NSG2: variants seen among roughly 807,000 people sequenced by gnomAD.
NSG2 encodes neuronal vesicle trafficking associated 2, also known as neuronal vesicle trafficking-associated protein 2.
A neutral mutation model predicts 16.9 loss-of-function variants in NSG2; 4 were observed. That is an observed-to-expected ratio of 0.24 (90% CI 0.12 to 0.54). NSG2 has a LOEUF of 0.54. NSG2 is among the 20% of genes least tolerant of loss of function. NSG2 has a pLI of 0.95. For missense variants in NSG2, 179 were observed against 221.1 expected (o/e 0.81, Z 1.21); for synonymous variants, 98 against 88.7 (o/e 1.11, Z -0.59).
At position 174,107,202 on chromosome 5, in the gene NSG2, C is replaced by A; in HGVS notation, c.325-112C>A. On this transcript the variant is annotated intron_variant, in intron 4 of 4. Coordinates refer to ENST00000303177, the MANE Select transcript of NSG2 (RefSeq NM_015980.5). This position sits in a 1 kb window ranked among gnomAD's most constrained non-coding sequence, Gnocchi z 4.5. ...GGCCCAGGTCAGGAGCTGTCACCTG[C>A]CCTCTGGCTGACAGCCCGATGCAGC... 1.1e-6 allele frequency: 1 copy of A among 930,694 alleles called. No homozygotes were observed. The highest frequency in any genetic ancestry group is 1.6e-6 in the Non-Finnish European group (1 of 628,840). The allele number at this position is 930,694 out of a possible 1,614,324, so 57.7% of individuals were successfully genotyped here.
chr5:174,055,569 C>T (rs775381956), intron 2 of NSG2, among the ~76,000 whole-genome samples: 5 of 152,052 alleles, frequency 3.3e-5, no homozygotes, highest in African/African-American at 9.7e-5. Context: ...CACCGCACTC[C>T]AGCCTGGGCG....
chr5:174,069,164 G>C (rs1278718300), intron 3 of NSG2, among the ~76,000 whole-genome samples: 1 of 151,752 alleles, frequency 6.6e-6, no homozygotes, highest in African/African-American at 2.4e-5. Context: ...TCTTGCTGCT[G>C]TGGAGGGTGC....
At chr5:174,094,347 A>T (rs1232691995) in intron 3 of NSG2, among the ~76,000 whole-genome samples, 1 of 152,222 alleles carries the variant, frequency 6.6e-6, no homozygotes, top group Non-Finnish European at 1.5e-5. Context: ...TGTTATTATC[A>T]GGTAAGCCCA....
rs369093332 is a variant in NSG2, at chr5:174,079,918, G to T, written c.213+15603G>T. ...CACCCTAAATTTATGTTTTCTTCTG[G>T]TGCTTTTATGATTGTGTTTTATATG... On this transcript the variant is annotated intron_variant, in intron 3 of 4. Transcript: ENST00000303177. 1.1e-4 allele frequency among the ~76,000 whole-genome samples: 16 copies of T among 152,130 alleles called. No homozygotes were observed. The East Asian group carries it at 1.5e-3, about 15-fold the overall frequency.
At chr5:174,095,856 G>A in intron 3 of NSG2, among the ~76,000 whole-genome samples, 1 of 152,180 alleles carries the variant, frequency 6.6e-6, no homozygotes, top group South Asian at 2.1e-4. Flanking sequence ...CTCTTTTTAT[G>A]CCCAATGTGT....
chr5:174,075,497 G>A (rs1760323679), intron 3 of NSG2, among the ~76,000 whole-genome samples: 2 of 152,126 alleles, frequency 1.3e-5, no homozygotes, highest in South Asian at 4.2e-4. Flanking sequence ...CGAGTGTTAG[G>A]TTAATTTTGC....
chr5:174,064,625 G>A (rs1760110507), intron 3 of NSG2: 1 of 232,890 alleles, frequency 4.3e-6, no homozygotes, highest in Non-Finnish European at 8.2e-6. Flanking sequence ...CAATCTCCAG[G>A]AAATGTGATG....
intron 3 of NSG2, among the ~76,000 whole-genome samples, chr5:174,074,824 G>A (rs898002913): frequency 4.6e-5 from 7 of 151,808 alleles, no homozygotes; most frequent in Non-Finnish European, 7.4e-5. Flanking sequence ...TCTGCTTGGA[G>A]ACCCCGCTTA....
At chr5:174,079,778 C>CT (rs1243425282) in intron 3 of NSG2, among the ~76,000 whole-genome samples, 1 of 152,086 alleles carries the variant, frequency 6.6e-6, no homozygotes, top group African/African-American at 2.4e-5. Context: ...GGTGTAACTG[C>CT]TTTTTTCATT....
At chr5:174,084,207 G>A (rs1426589003) in intron 3 of NSG2, 3 of 152,270 alleles carry the variant, frequency 2.0e-5, no homozygotes, top group African/African-American at 7.2e-5. Context: ...TATTGTTGTG[G>A]AGAAACCAAG....
At position 174,080,862 on chromosome 5, in the gene NSG2, G is replaced by A. The variant is rs182993352; in HGVS notation, c.213+16547G>A. On this transcript the variant is annotated intron_variant, in intron 3 of 4. Transcript: ENST00000303177. ...ACAGATGTGAGCCACCACGCCTGGC[G>A]TAAAATATTGAGATTTTCTATCTAG... Among the ~76,000 whole-genome samples the A allele has an allele frequency of 3.3e-4, 50 of 152,138 alleles. No homozygotes were observed. The East Asian group carries it at 5.6e-3, about 17-fold the overall frequency.
chr5:174,098,849 C>G (rs1344849192), intron 3 of NSG2, among the ~76,000 whole-genome samples: 10 of 152,128 alleles, frequency 6.6e-5, no homozygotes, highest in Non-Finnish European at 1.2e-4. Flanking sequence ...AGGACTGTGC[C>G]TGTAATGAAA....
At chr5:174,096,448 G>A (rs1026175314) in intron 3 of NSG2, among the ~76,000 whole-genome samples, 10 of 152,176 alleles carry the variant, frequency 6.6e-5, no homozygotes, top group African/African-American at 2.2e-4. Context: ...GGGGAAAACT[G>A]GGGTACCTGG....
chr5:174,088,190 G>A (rs1037581584), intron 3 of NSG2, among the ~76,000 whole-genome samples: 5 of 152,334 alleles, frequency 3.3e-5, no homozygotes, highest in Admixed American at 6.5e-5. Flanking sequence ...ACCTTTCGGC[G>A]TTTTGGGGTG....
Position 174,085,209 on chromosome 5 carries a change from C to T in NSG2, c.214-19019C>T, listed in dbSNP as rs536931142. ...ATATCCAACATTTATGGGAGCTTTA[C>T]ATCCAGCATCTTTGGAAGTCCACCC... On this transcript the variant is annotated intron_variant, in intron 3 of 4. Coordinates refer to ENST00000303177, the MANE Select transcript of NSG2 (RefSeq NM_015980.5). Among the ~76,000 whole-genome samples, 10 of 152,328 alleles carry T rather than the reference C, an allele frequency of 6.6e-5. No homozygotes were observed. The South Asian group carries it at 1.0e-3, about 16-fold the overall frequency.
intron 3 of NSG2, among the ~76,000 whole-genome samples, chr5:174,073,392 G>C (rs1760276517): frequency 1.3e-5 from 2 of 152,154 alleles, no homozygotes; most frequent in South Asian, 2.1e-4. Context: ...TTTTAGGCAA[G>C]TTATTAAAAA....
At chr5:174,056,852 A>G (rs1308944517) in intron 2 of NSG2, among the ~76,000 whole-genome samples, 1 of 152,228 alleles carries the variant, frequency 6.6e-6, no homozygotes, top group African/African-American at 2.4e-5. Context: ...CCTGGGAAGT[A>G]GTATTTTAAA....
chr5:174,059,708 G>T (rs1760020208), intron 2 of NSG2, among the ~76,000 whole-genome samples: 1 of 152,060 alleles, frequency 6.6e-6, no homozygotes, highest in South Asian at 2.1e-4. Context: ...ATGTCATCTG[G>T]ACCCAGCTCC....
At chr5:174,079,562 A>T (rs574349621) in intron 3 of NSG2, among the ~76,000 whole-genome samples, 1 of 152,202 alleles carries the variant, frequency 6.6e-6, no homozygotes, top group Admixed American at 6.5e-5. Flanking sequence ...GGCCATGCAC[A>T]TCTTTCATTA....
Sources: allele counts gnomAD v4.1 joint callset (sites outside exome capture counted in the v4.1 genomes callset), GRCh38; gene constraint gnomAD v4.1.1; non-coding constraint Gnocchi (gnomAD v3.1); transcripts MANE v1.5; gene names NCBI Gene and HGNC (gene_info 2026-07-23, HGNC 2026-07-21).